ROBO1: variants seen among roughly 807,000 people sequenced by gnomAD.
The protein encoded by ROBO1 is roundabout guidance receptor 1, also known as roundabout homolog 1.
In ROBO1, 149 loss-of-function variants were observed where a neutral mutation model predicts 195.9. The observed-to-expected ratio is 0.76, with a 90% CI of 0.67 to 0.87. The LOEUF is 0.87. Among genes scored for constraint, ROBO1 ranks in the 40% least tolerant of loss-of-function variants. The pLI, the probability that ROBO1 is intolerant of heterozygous loss-of-function variation, is 0.00. For missense variants in ROBO1, 1,933 were observed against 2,068.3 expected, an observed-to-expected ratio of 0.93 and a Z score of 1.27; for synonymous variants, 816 against 733.2, an observed-to-expected ratio of 1.11 and a Z score of -1.82.
intron 2 of ROBO1, among the ~76,000 whole-genome samples, chr3:79,264,671 A>T (rs2083003187): frequency 6.6e-6 from 1 of 151,982 alleles, no homozygotes; most frequent in Non-Finnish European, 1.5e-5. Context: ...ATACTTGACT[A>T]AAGTAGGGAA....
intron 2 of ROBO1, among the ~76,000 whole-genome samples, chr3:79,533,718 G>A (rs191507423): frequency 4.6e-5 from 7 of 152,116 alleles, no homozygotes; most frequent in African/African-American, 7.2e-5. Flanking sequence ...TATTTTAATC[G>A]ATTTACAAGC....
At chr3:78,708,031 C>T (rs1302015462) in intron 8 of ROBO1, among the ~76,000 whole-genome samples, 1 of 152,130 alleles carries the variant, frequency 6.6e-6, no homozygotes, top group Non-Finnish European at 1.5e-5. Context: ...AACATGATCA[C>T]TCTGGTGATA....
intron 5 of ROBO1, among the ~76,000 whole-genome samples, chr3:78,728,020 A>G (rs1343814793): frequency 1.3e-5 from 2 of 152,188 alleles, no homozygotes; most frequent in East Asian, 3.8e-4. Context: ...TTTAGATTAA[A>G]TAAACAATAA....
chr3:79,491,023 A>T (rs185037832), intron 2 of ROBO1, among the ~76,000 whole-genome samples: 1 of 151,912 alleles, frequency 6.6e-6, no homozygotes, highest in South Asian at 2.1e-4. Context: ...TGGTAAATTT[A>T]TTTATTTCCT....
chr3:79,585,120 T>G (rs1352980903), intron 2 of ROBO1, among the ~76,000 whole-genome samples: 1 of 151,678 alleles, frequency 6.6e-6, no homozygotes, highest in African/African-American at 2.4e-5. Flanking sequence ...ACTTTTAAGA[T>G]AATTTTATGG....
intron 2 of ROBO1, among the ~76,000 whole-genome samples, chr3:79,205,714 T>C (rs950703925): frequency 7.2e-5 from 11 of 152,170 alleles, no homozygotes; most frequent in African/African-American, 2.7e-4. Flanking sequence ...CAAAGTTGAA[T>C]ATAAGACCCA....
At chr3:79,177,458 A>G (rs2081277159) in intron 2 of ROBO1, among the ~76,000 whole-genome samples, 1 of 151,870 alleles carries the variant, frequency 6.6e-6, no homozygotes, top group South Asian at 2.1e-4. Context: ...GGATGGGCGG[A>G]CCCTCCTACC....
At chr3:78,674,832 T>A (rs1349335234) in intron 10 of ROBO1, among the ~76,000 whole-genome samples, 1 of 152,192 alleles carries the variant, frequency 6.6e-6, no homozygotes, top group Non-Finnish European at 1.5e-5. Flanking sequence ...AATCTTTTTT[T>A]ATGTATACCT....
At chr3:79,031,298 T>A (rs1422298160) in intron 3 of ROBO1, among the ~76,000 whole-genome samples, 3 of 152,182 alleles carry the variant, frequency 2.0e-5, no homozygotes, top group Non-Finnish European at 4.4e-5. Flanking sequence ...GTCTTGTTAG[T>A]CATTATTGAA....
chr3:78,728,337 A>G (rs2082211576), intron 5 of ROBO1, among the ~76,000 whole-genome samples: 1 of 152,196 alleles, frequency 6.6e-6, no homozygotes. Context: ...CTTTAACTCA[A>G]GACCAGTCCA....
chr3:79,761,385 A>G (rs1023557024), intron 1 of ROBO1, among the ~76,000 whole-genome samples: 1 of 152,034 alleles, frequency 6.6e-6, no homozygotes, highest in African/African-American at 2.4e-5. Flanking sequence ...CATAGAAATA[A>G]TAACAGCAAA....
Position 79,534,310 on chromosome 3 carries a change from G to A in ROBO1, c.88+55514C>T, listed in dbSNP as rs1242730575. On this transcript the variant is annotated intron_variant, in intron 2 of 30. Transcript: ENST00000464233. ...CTTGTGGTTTTAAGTCACTAAATCTGTGATGATTTTATACTACTGAAATAG... is the reference window on the plus strand; with the variant it reads ...CTTGTGGTTTTAAGTCACTAAATCTATGATGATTTTATACTACTGAAATAG... Among the ~76,000 whole-genome samples, 3 of 152,052 alleles carry A rather than the reference G, an allele frequency of 2.0e-5. No individual in the cohort carries two copies. The East Asian group carries it at 5.8e-4, about 29-fold the overall frequency.
intron 26 of ROBO1, among the ~76,000 whole-genome samples, chr3:78,624,037 AT>A (rs1338115439): frequency 6.6e-6 from 1 of 152,190 alleles, no homozygotes; most frequent in Non-Finnish European, 1.5e-5. Context: ...TACAATTAAA[AT>A]GGCCAATATT....
In ROBO1 at chr3:79,728,107, T is replaced by C. The variant is rs938847825; in HGVS notation, c.-51+39645A>G. Among the ~76,000 whole-genome samples, 13 of 142,222 alleles carry C rather than the reference T, an allele frequency of 9.1e-5. 1 individual carries two copies. The highest frequency in any genetic ancestry group is 3.0e-5 in the Non-Finnish European group (2 of 65,756). The allele number at this position is 142,222 out of a possible 152,430, so 93.3% of individuals were successfully genotyped here. On this transcript the variant is annotated intron_variant, in intron 1 of 30. Coordinates refer to ENST00000464233, the MANE Select transcript of ROBO1 (RefSeq NM_002941.4). ...GTGTGTGTATTTGTGTGTGTAAATATATGTATTTATTTGTATATTTAGATA... is the reference window on the plus strand; with the variant it reads ...GTGTGTGTATTTGTGTGTGTAAATACATGTATTTATTTGTATATTTAGATA...
At chr3:79,380,746 C>A (rs1262251181) in intron 2 of ROBO1, among the ~76,000 whole-genome samples, 1 of 152,078 alleles carries the variant, frequency 6.6e-6, no homozygotes, top group Non-Finnish European at 1.5e-5. Context: ...ATTTTCCCAT[C>A]CCTTAAATCT....
chr3:78,740,450 TTTTCTTTCTTTC>T (rs150036229), intron 5 of ROBO1, among the ~76,000 whole-genome samples: 5 of 103,166 alleles, frequency 4.8e-5, no homozygotes, highest in South Asian at 3.1e-4. Flanking sequence ...ATTTTTCTTT[TTTTCTTTCTTTC>T]TTTCTTTCTT....
chr3:79,263,012 A>G (rs942908141), intron 2 of ROBO1, among the ~76,000 whole-genome samples: 6 of 152,074 alleles, frequency 3.9e-5, no homozygotes, highest in African/African-American at 1.4e-4. Flanking sequence ...ACTTTTAATT[A>G]AAACTCAAGA....
chr3:78,718,200 A>T (rs1398013493), intron 5 of ROBO1, among the ~76,000 whole-genome samples: 3 of 152,326 alleles, frequency 2.0e-5, no homozygotes, highest in East Asian at 1.9e-4. Context: ...ACCATAAAAA[A>T]TTGCGTGAAT....
chr3:79,563,750 A>C (rs1943001223), intron 2 of ROBO1, among the ~76,000 whole-genome samples: 1 of 152,102 alleles, frequency 6.6e-6, no homozygotes, highest in Admixed American at 6.6e-5. Flanking sequence ...TTTTACATAA[A>C]ACATCTCACA....
Sources: gnomAD v4.1 joint callset for allele counts (sites outside exome capture counted in the v4.1 genomes callset) on GRCh38, gnomAD v4.1.1 for gene constraint, MANE v1.5 for transcripts, NCBI Gene and HGNC (gene_info 2026-07-23, HGNC 2026-07-21) for gene names.